ENAM: variants seen among roughly 807,000 people sequenced by gnomAD.
The protein encoded by ENAM is enamelin.
In ENAM, 21 loss-of-function variants were observed where a neutral mutation model predicts 33.6. The ratio of observed to expected loss-of-function variants is 0.63; its 90% CI spans 0.44 to 0.90. ENAM has a LOEUF of 0.90. Ranked by LOEUF, ENAM falls within the 40% of genes least tolerant of loss-of-function variation. The pLI is 0.00. For synonymous variants in ENAM, 473 were observed against 468.4 expected (o/e 1.01, Z -0.13); for missense variants, 1,388 against 1,366.9 (o/e 1.02, Z -0.24).
At chr4:70,635,325 C>A (rs943900746) in intron 6 of ENAM, among the ~76,000 whole-genome samples, 1 of 152,086 alleles carries the variant, frequency 6.6e-6, no homozygotes, top group African/African-American at 2.4e-5. Context: ...TGCAATGAGC[C>A]AAGATCACGC....
rs1214201456 is a variant in ENAM, at chr4:70,643,621, A to G, written c.2195A>G (p.Asn732Ser). The G allele has an allele frequency of 1.2e-6, 2 of 1,614,034 alleles. No homozygotes were observed. Among genetic ancestry groups the G allele is most frequent in the South Asian group, 1.1e-5 (1 of 91,090 alleles). ...CCGGATGAGAATTTTCCATCATATA[A>G]TACAGCTTCTACTATGCCACCACCT... ...WSPDENFPSY[N>S]TASTMPPPIE... is the part of the protein sequence containing the mutation. Residue 732 changes from asparagine to serine, a missense_variant, in exon 9 of 9, where the codon AAT (asparagine) becomes AGT (serine). By Grantham distance (46) the Asn-to-Ser change is conservative (BLOSUM62 1). Coordinates refer to ENST00000396073, the MANE Select transcript of ENAM (RefSeq NM_031889.3).
At chr4:70,637,632 T>G in intron 7 of ENAM, 158 bp from the exon 8 acceptor site, 1 of 700,636 alleles carries the variant, frequency 1.4e-6, no homozygotes. Context: ...TCTTAGCAGC[T>G]GGACTGTGAG....
In ENAM at chr4:70,631,721, A is replaced by G. The variant is rs2109819394; in HGVS notation, c.106A>G (p.Asn36Asp). The G allele has an allele frequency of 6.2e-7, 1 of 1,613,418 alleles. No homozygotes were observed. Among genetic ancestry groups the G allele is most frequent in the East Asian group, 2.2e-5 (1 of 44,862 alleles). The change falls in exon 3 of 9, where the codon AAT (asparagine) becomes GAT (aspartate). Residue 36 changes from asparagine to aspartate, a missense_variant. Transcript: ENST00000396073. ...ILLVFLGLLG[N>D]SVAMPMHMPR... ...CCTGGTCTTTCTAGGGCTTCTTGGT[A>G]ATTCTGTTGCTATGCCAGTGAGTAT...
intron 4 of ENAM, 151 bp from the exon 5 acceptor site, chr4:70,632,500 G>C (rs1738349901): frequency 5.4e-6 from 4 of 744,580 alleles, no homozygotes; most frequent in Non-Finnish European, 9.9e-6. Flanking sequence ...GTAGGAAAAG[G>C]TGATATGACT....
rs1738669682 is a variant in ENAM at position 70,643,616 on chromosome 4, A to G, written c.2190A>G (p.Ser730=). 1.2e-6 allele frequency: 2 copies of G among 1,614,028 alleles called. No homozygotes were observed. Among genetic ancestry groups the G allele is most frequent in the South Asian group, 1.1e-5 (1 of 91,094 alleles). ...YPWSPDENFP[S]YNTASTMPPP... ...GGAGCCCGGATGAGAATTTTCCATC[A>G]TATAATACAGCTTCTACTATGCCAC... Residue 730 remains serine (S), a synonymous_variant, in exon 9 of 9, where the codon TCA becomes TCG. Coordinates refer to ENST00000396073, the MANE Select transcript of ENAM (RefSeq NM_031889.3).
intron 5 of ENAM, 47 bp downstream of exon 5, chr4:70,632,739 A>G: frequency 7.7e-7 from 1 of 1,291,782 alleles, no homozygotes; most frequent in South Asian, 1.2e-5. Context: ...GTTTATCTAG[A>G]TAACTCCGTT....
intron 6 of ENAM, 150 bp downstream of exon 6, chr4:70,634,718 C>T (rs935874116): frequency 5.0e-6 from 4 of 794,902 alleles, no homozygotes; most frequent in African/African-American, 3.4e-5. Context: ...CATGGCAAGT[C>T]GACTCCAATC....
chr4:70,642,571 C>G lies in ENAM; in HGVS notation c.1145C>G (p.Ala382Gly), dbSNP rs144413018. Residue 382 changes from alanine to glycine, a missense_variant, in exon 9 of 9, where the codon GCT becomes GGT. Physicochemically the swap from Ala to Gly is moderately conservative, Grantham distance 60. Coordinates refer to ENST00000396073, the MANE Select transcript of ENAM (RefSeq NM_031889.3). Reference protein sequence around the residue: ...ARPGNPVYHKAYPPTSRGNYP... With the variant: ...ARPGNPVYHKGYPPTSRGNYP... ...CCAGGAAATCCAGTTTATCACAAAG[C>G]TTACCCTCCTACTTCAAGAGGCAAT... 1.2e-6 allele frequency: 2 copies of G among 1,614,008 alleles called. No individual in the cohort carries two copies. The highest frequency in any genetic ancestry group is 8.5e-7 in the Non-Finnish European group (1 of 1,179,952).
intron 7 of ENAM, among the ~76,000 whole-genome samples, chr4:70,637,341 G>A (rs959701137): frequency 6.6e-6 from 1 of 152,114 alleles, no homozygotes; most frequent in Non-Finnish European, 1.5e-5. Context: ...TAAACATGAA[G>A]CCACATTCTA....
chr4:70,644,142 A>G lies in ENAM; in HGVS notation c.2716A>G (p.Thr906Ala), dbSNP rs1334001212. The G allele has an allele frequency of 1.2e-6, 2 of 1,614,010 alleles. No individual in the cohort carries two copies. The highest frequency in any genetic ancestry group is 4.5e-5 in the East Asian group (2 of 44,894). Residue 906 changes from threonine (T) to alanine (A), a missense_variant, in exon 9 of 9, where the codon ACC becomes GCC. By Grantham distance (58) the Thr-to-Ala change is moderately conservative. Transcript: ENST00000396073. ...YGLAPGENQDTSPLYTDGSHT... is the reference protein window; with the variant it reads ...YGLAPGENQDASPLYTDGSHT... ...TCTTGCACCTGGGGAGAACCAAGAC[A>G]CCAGTCCTCTGTATACAGACGGTAG... is the stretch of plus-strand genomic sequence containing the variant.
Position 70,634,291 on chromosome 4 carries a change from A to T in ENAM, c.211-17A>T, listed in dbSNP as rs1440481023. 6.2e-7 allele frequency: 1 copy of T among 1,613,306 alleles called. No homozygotes were observed. The highest frequency in any genetic ancestry group is 8.5e-7 in the Non-Finnish European group (1 of 1,179,466). ...ACAGCTCTATTATGATTTCACTATT[A>T]TTTGCTACCCTTTCAGATGGCACAC... On this transcript the variant is annotated splice_polypyrimidine_tract_variant and intron_variant, in intron 5 of 8. Coordinates refer to ENST00000396073, the MANE Select transcript of ENAM (RefSeq NM_031889.3).
rs769137398 is a variant in ENAM at position 70,644,639 on chromosome 4, A to C, written c.3213A>C (p.Gly1071=). Residue 1071 remains glycine, a synonymous_variant, in exon 9 of 9, where the codon GGA becomes GGC. Coordinates refer to ENST00000396073, the MANE Select transcript of ENAM (RefSeq NM_031889.3). ...KLAKHHSSTT[G]TPSSDGRQSP... is the part of the protein sequence containing the mutation. ...CAAAGCATCACTCTTCCACCACCGG[A>C]ACTCCATCTAGCGATGGAAGGCAAA... is the stretch of plus-strand genomic sequence containing the variant. 5.0e-6 allele frequency: 8 copies of C among 1,613,732 alleles called. No individual in the cohort carries two copies. In the East Asian group the frequency reaches 1.6e-4, roughly 31 times the overall value.
At chr4:70,632,015 G>T in intron 4 of ENAM, 122 bp downstream of exon 4, 1 of 957,592 alleles carries the variant, frequency 1.0e-6, no homozygotes, top group South Asian at 1.3e-5. Context: ...GTAAAAAGAG[G>T]GAGATTTGAA....
chr4:70,631,679 G>C lies in ENAM; in HGVS notation c.64G>C (p.Gly22Arg). ...FPKLDNLVPK[G>R]KMKILLVFLG... ...CAATTTTTTATTCTAGGTACCAAAA[G>C]GCAAAATGAAGATTCTCCTGGTCTT... Residue 22 changes from glycine (G) to arginine (R), a missense_variant, in exon 3 of 9, where the codon GGC (glycine) becomes CGC (arginine). By Grantham distance (125) the Gly-to-Arg change is moderately radical. Transcript: ENST00000396073. 5 of 1,612,732 alleles carry C rather than the reference G, an allele frequency of 3.1e-6. No individual in the cohort carries two copies. Among genetic ancestry groups the C allele is most frequent in the Non-Finnish European group, 4.2e-6 (5 of 1,178,804 alleles).
intron 8 of ENAM, among the ~76,000 whole-genome samples, chr4:70,639,779 C>T (rs1034130166): frequency 2.5e-4 from 38 of 152,026 alleles, no homozygotes; most frequent in African/African-American, 7.5e-4. Flanking sequence ...GTCCCAGCTA[C>T]CCAGGAGGCT....
chr4:70,637,559 T>TGC, intron 7 of ENAM: 1 of 549,012 alleles, frequency 1.8e-6, no homozygotes, highest in Non-Finnish European at 3.3e-6. Context: ...GTATTTTAAG[T>TGC]AGGATAATCT....
Position 70,644,244 on chromosome 4 carries a change from G to A in ENAM, c.2818G>A (p.Glu940Lys), listed in dbSNP as rs371648352. 4 of 1,614,032 alleles carry A rather than the reference G, an allele frequency of 2.5e-6. No individual in the cohort carries two copies. The highest frequency in any genetic ancestry group is 1.3e-5 in the African/African-American group (1 of 74,916). ...PGQRNSSEKR[E>K]SQNPFRDDVS... Reference sequence around the variant, plus strand: ...CCAAAGAAACAGCTCAGAGAAGAGGGAAAGCCAAAACCCTTTTAGAGATGA... The same window carrying A: ...CCAAAGAAACAGCTCAGAGAAGAGGAAAAGCCAAAACCCTTTTAGAGATGA... Residue 940 changes from glutamate to lysine, a missense_variant, in exon 9 of 9, where the codon GAA becomes AAA. Coordinates refer to ENST00000396073, the MANE Select transcript of ENAM (RefSeq NM_031889.3).
At chr4:70,634,626 G>GCCATGCCACCCCCATATA in intron 6 of ENAM, 58 bp downstream of exon 6, 1 of 1,528,568 alleles carries the variant, frequency 6.5e-7, no homozygotes, top group Non-Finnish European at 9.1e-7. Context: ...GATTTGGAGG[G>GCCATGCCACCCCCATATA]CCATGCCACC....
intron 2 of ENAM, among the ~76,000 whole-genome samples, chr4:70,629,825 A>G (rs917062311): frequency 6.6e-6 from 1 of 152,194 alleles, no homozygotes; most frequent in Non-Finnish European, 1.5e-5. Context: ...CCAACATAAT[A>G]TATTAATTTT....
Sources: gnomAD v4.1 joint callset for allele counts (sites outside exome capture counted in the v4.1 genomes callset) on GRCh38, gnomAD v4.1.1 for gene constraint, MANE v1.5 for transcripts, NCBI Gene and HGNC (gene_info 2026-07-23, HGNC 2026-07-21) for gene names.